Variants in COBL observed in about 807,000 individuals in gnomAD.
COBL encodes the protein protein cordon-bleu.
In COBL, 51 loss-of-function variants were observed where a neutral mutation model predicts 98.8. The observed-to-expected ratio is 0.52, with a 90% confidence interval of 0.41 to 0.65. The LOEUF is 0.65. Among genes scored for constraint, COBL ranks in the 30% least tolerant of loss-of-function variants. The pLI is 0.00. For missense variants in COBL, 1,617 were observed against 1,617.5 expected, an observed-to-expected ratio of 1.00 and a Z score of 0.01; for synonymous variants, 634 against 651.7, an observed-to-expected ratio of 0.97 and a Z score of 0.41.
intron 5 of COBL, among the ~76,000 whole-genome samples, chr7:51,154,288 A>G (rs1240326529): frequency 6.6e-6 from 1 of 152,218 alleles, no homozygotes; most frequent in East Asian, 1.9e-4. Context: ...TGGCTGCTGG[A>G]CCTCATAAGA....
At chr7:51,241,237 C>T (rs1795761442) in intron 1 of COBL, among the ~76,000 whole-genome samples, 2 of 152,198 alleles carry the variant, frequency 1.3e-5, no homozygotes, top group South Asian at 4.1e-4. Context: ...CGTGTCCCTC[C>T]AATAACAAAA....
chr7:51,055,260 C>T (rs1398858845), intron 7 of COBL, among the ~76,000 whole-genome samples: 1 of 152,234 alleles, frequency 6.6e-6, no homozygotes, highest in Non-Finnish European at 1.5e-5. Context: ...GCTACTGCCA[C>T]TCTTTCCTGT....
chr7:51,178,534 T>C (rs1182667839), intron 5 of COBL, among the ~76,000 whole-genome samples: 1 of 152,146 alleles, frequency 6.6e-6, no homozygotes, highest in African/African-American at 2.4e-5. Context: ...ATAAAAGGTT[T>C]TATTTACCTT....
At chr7:51,079,428 T>C (rs919936809) in intron 7 of COBL, among the ~76,000 whole-genome samples, 1 of 152,356 alleles carries the variant, frequency 6.6e-6, no homozygotes, top group South Asian at 2.1e-4. Flanking sequence ...AGATAAATTC[T>C]GGTATATTTC....
intron 1 of COBL, among the ~76,000 whole-genome samples, chr7:51,255,235 A>C (rs1797093953): frequency 6.6e-6 from 1 of 152,240 alleles, no homozygotes; most frequent in African/African-American, 2.4e-5. Context: ...GCTGTTACAA[A>C]GATAAAATGA....
intron 1 of COBL, among the ~76,000 whole-genome samples, chr7:51,258,393 A>T (rs1281262018): frequency 6.6e-6 from 1 of 152,186 alleles, no homozygotes; most frequent in East Asian, 1.9e-4. Context: ...TCATTTACCG[A>T]CATTAAACCC....
chr7:51,038,433 G>A (rs536620531), intron 8 of COBL, among the ~76,000 whole-genome samples: 1 of 152,342 alleles, frequency 6.6e-6, no homozygotes, highest in South Asian at 2.1e-4. Context: ...TGAGGAAATG[G>A]TGTTTGCCTC....
intron 1 of COBL, among the ~76,000 whole-genome samples, chr7:51,261,255 A>G (rs536892916): frequency 3.3e-5 from 5 of 152,306 alleles, no homozygotes; most frequent in Admixed American, 2.6e-4. Flanking sequence ...GCACACGCCT[A>G]TAAAAAAACT....
At chr7:51,124,339 G>T (rs973762162) in intron 6 of COBL, among the ~76,000 whole-genome samples, 1 of 151,624 alleles carries the variant, frequency 6.6e-6, no homozygotes, top group Non-Finnish European at 1.5e-5. Context: ...AGCAATTGGA[G>T]ATTAGCAATC....
chr7:51,034,855 G>A (rs954109992), intron 8 of COBL: 3 of 152,234 alleles, frequency 2.0e-5, no homozygotes, highest in African/African-American at 7.2e-5. Context: ...TCTGGCTTAA[G>A]ATCAAGGAAA....
chr7:51,097,309 A>G (rs1274369015), intron 6 of COBL, among the ~76,000 whole-genome samples: 1 of 152,204 alleles, frequency 6.6e-6, no homozygotes, highest in African/African-American at 2.4e-5. Context: ...TAAACTTAAC[A>G]AAGTCCACAC....
intron 1 of COBL, among the ~76,000 whole-genome samples, chr7:51,239,708 C>G (rs1175138315): frequency 6.6e-6 from 1 of 152,184 alleles, no homozygotes; most frequent in African/African-American, 2.4e-5. Flanking sequence ...GGTAAGAATA[C>G]TACTCGATGG....
At chr7:51,231,087 T>C (rs991952949) in intron 1 of COBL, among the ~76,000 whole-genome samples, 1 of 152,198 alleles carries the variant, frequency 6.6e-6, no homozygotes, top group South Asian at 2.1e-4. Flanking sequence ...GTATTTAACT[T>C]CCTTTGGGTT....
intron 1 of COBL, among the ~76,000 whole-genome samples, chr7:51,308,886 C>G (rs963381338): frequency 6.6e-6 from 1 of 152,212 alleles, no homozygotes; most frequent in African/African-American, 2.4e-5. Context: ...TACCACTGGC[C>G]TTTAAGATTA....
intron 7 of COBL, among the ~76,000 whole-genome samples, chr7:51,062,919 C>A (rs1240461710): frequency 6.6e-6 from 1 of 152,168 alleles, no homozygotes; most frequent in Non-Finnish European, 1.5e-5. Context: ...CCTTGACATG[C>A]ATTTGCTCAG....
chr7:51,253,361 A>C (rs1796915664), intron 1 of COBL, among the ~76,000 whole-genome samples: 1 of 152,216 alleles, frequency 6.6e-6, no homozygotes, highest in East Asian at 1.9e-4. Flanking sequence ...TGCCAGCAGG[A>C]GGCCCTGCAA....
In COBL at chr7:51,026,783, A is replaced by T. The variant is rs541944536; in HGVS notation, c.3385-118T>A. 958 of 1,258,390 alleles carry T rather than the reference A, an allele frequency of 7.6e-4. 13 individuals are homozygous for T. The South Asian group carries it at 0.012, about 16-fold the overall frequency. The allele number at this position is 1,258,390 out of a possible 1,614,324, so 78.0% of individuals were successfully genotyped here. On this transcript the variant is annotated intron_variant, in intron 10 of 12. Coordinates refer to ENST00000265136, the MANE Select transcript of COBL (RefSeq NM_015198.5). The stretch of plus-strand genomic sequence containing the variant: ...CACGGTGGCTCATGCCTGTAATCCC[A>T]TCTACTCGGGAGGCTGTGGCACCAG...
chr7:51,034,843 G>A (rs1029464737), intron 8 of COBL: 1 of 152,216 alleles, frequency 6.6e-6, no homozygotes, highest in Non-Finnish European at 1.5e-5. Flanking sequence ...TTGACAGTTT[G>A]TTCTGGCTTA....
chr7:51,128,980 C>T (rs1309109962), intron 6 of COBL, among the ~76,000 whole-genome samples: 1 of 152,212 alleles, frequency 6.6e-6, no homozygotes, highest in African/African-American at 2.4e-5. Flanking sequence ...TTTCATGGCC[C>T]ATTTACAACT....
Sources: gnomAD v4.1 joint callset for allele counts (sites outside exome capture counted in the v4.1 genomes callset) on GRCh38, gnomAD v4.1.1 for gene constraint, MANE v1.5 for transcripts, NCBI Gene and HGNC (gene_info 2026-07-23, HGNC 2026-07-21) for gene names.